GRID1: variants seen among roughly 807,000 people sequenced by gnomAD.
GRID1 encodes the protein glutamate receptor ionotropic, delta-1.
A neutral mutation model predicts 98.0 loss-of-function variants in GRID1; 28 were observed. The ratio of observed to expected loss-of-function variants is 0.29; its 90% CI spans 0.21 to 0.39. The LOEUF (loss-of-function observed/expected upper bound fraction) is 0.39. Among genes scored for constraint, GRID1 ranks in the 10% least tolerant of loss-of-function variants. The probability of loss-of-function intolerance (pLI) is 1.00; values close to 1 mark genes in which losing one functional copy is unlikely to be tolerated. For synonymous variants in GRID1, 553 were observed against 538.5 expected (o/e 1.03, Z -0.37); for missense variants, 1,111 against 1,340.5 (o/e 0.83, Z 2.67).
intron 3 of GRID1, among the ~76,000 whole-genome samples, chr10:86,149,785 T>C (rs567904893): frequency 1.6e-4 from 24 of 152,340 alleles, no homozygotes; most frequent in African/African-American, 5.8e-4. Context: ...CAACTTCTGT[T>C]CCAAGTTGGG....
chr10:86,049,813 T>G (rs1027914221), intron 4 of GRID1, among the ~76,000 whole-genome samples: 1 of 152,128 alleles, frequency 6.6e-6, no homozygotes, highest in Non-Finnish European at 1.5e-5. Flanking sequence ...AACTCACCTC[T>G]TCTTCTTCTT....
intron 4 of GRID1, among the ~76,000 whole-genome samples, chr10:86,111,205 T>C (rs1458677711): frequency 6.6e-6 from 1 of 152,202 alleles, no homozygotes; most frequent in Admixed American, 6.5e-5. Context: ...CTCTTTTTTT[T>C]ACCCAGGCTC....
intron 4 of GRID1, among the ~76,000 whole-genome samples, chr10:86,103,624 T>A (rs1485470859): frequency 1.3e-5 from 2 of 152,192 alleles, no homozygotes; most frequent in Non-Finnish European, 2.9e-5. Context: ...AATGCCTTCT[T>A]AGGGGACAGG....
At chr10:86,291,181 G>A (rs1307412227) in intron 2 of GRID1, among the ~76,000 whole-genome samples, 1 of 152,206 alleles carries the variant, frequency 6.6e-6, no homozygotes, top group Non-Finnish European at 1.5e-5. Context: ...ACCTGTGGCG[G>A]GGGGTGGAAA....
At chr10:85,937,882 C>T (rs1841947595) in intron 4 of GRID1, among the ~76,000 whole-genome samples, 1 of 152,196 alleles carries the variant, frequency 6.6e-6, no homozygotes, top group South Asian at 2.1e-4. Flanking sequence ...GTTGAGAAAA[C>T]CAGGGCTAGC....
intron 2 of GRID1, among the ~76,000 whole-genome samples, chr10:86,278,792 C>T (rs1217042577): frequency 6.6e-6 from 1 of 152,170 alleles, no homozygotes; most frequent in Admixed American, 6.5e-5. Flanking sequence ...AACTATCCAA[C>T]ATGGAAAACT....
intron 8 of GRID1, among the ~76,000 whole-genome samples, chr10:85,751,650 G>C (rs1314194289): frequency 1.3e-5 from 2 of 151,924 alleles, no homozygotes; most frequent in African/African-American, 2.4e-5. Context: ...ATTTAAAAAA[G>C]AAAAACATAT....
At chr10:85,884,298 ATGACCCTGGTC>A (rs1213498944) in intron 5 of GRID1, among the ~76,000 whole-genome samples, 2 of 152,152 alleles carry the variant, frequency 1.3e-5, no homozygotes, top group South Asian at 4.1e-4. Context: ...TCTTTAGCTC[ATGACCCTGGTC>A]TTTTTCTGGG....
intron 3 of GRID1, among the ~76,000 whole-genome samples, chr10:86,154,742 C>G (rs1397726318): frequency 6.6e-6 from 1 of 152,204 alleles, no homozygotes; most frequent in Non-Finnish European, 1.5e-5. Flanking sequence ...AAGCCCACAC[C>G]TGAGCTAGGC....
intron 13 of GRID1, among the ~76,000 whole-genome samples, chr10:85,639,526 T>C (rs1010720610): frequency 6.6e-6 from 1 of 152,218 alleles, no homozygotes; most frequent in African/African-American, 2.4e-5. Flanking sequence ...ACTCATGAAA[T>C]AGACACTATA....
At chr10:85,804,573 A>T (rs1469237304) in intron 8 of GRID1, among the ~76,000 whole-genome samples, 1 of 151,898 alleles carries the variant, frequency 6.6e-6, no homozygotes, top group Non-Finnish European at 1.5e-5. Context: ...TCATAGATTA[A>T]TACCCTTCAT....
intron 4 of GRID1, among the ~76,000 whole-genome samples, chr10:86,084,325 G>A (rs1302589449): frequency 1.3e-5 from 2 of 152,026 alleles, no homozygotes; most frequent in Admixed American, 1.3e-4. Flanking sequence ...AGAAAGGAAG[G>A]AAGGAGGGGA....
intron 8 of GRID1, among the ~76,000 whole-genome samples, chr10:85,768,324 C>T (rs542755678): frequency 6.6e-6 from 1 of 151,830 alleles, no homozygotes; most frequent in Non-Finnish European, 1.5e-5. Flanking sequence ...TATAAAATTT[C>T]TAGAAGGTAA....
At chr10:85,658,119 T>C (rs1023425286) in intron 12 of GRID1, among the ~76,000 whole-genome samples, 19 of 152,258 alleles carry the variant, frequency 1.2e-4, no homozygotes, top group African/African-American at 4.1e-4. Context: ...GCTGTGAAGG[T>C]GCCTTCTTCC....
chr10:85,624,379 A>G (rs901579438), intron 13 of GRID1, among the ~76,000 whole-genome samples: 5 of 152,198 alleles, frequency 3.3e-5, no homozygotes. Context: ...AGGCTGGTGG[A>G]AACTTAGGCT....
chr10:85,775,771 T>C (rs1842325131), intron 8 of GRID1, among the ~76,000 whole-genome samples: 1 of 152,174 alleles, frequency 6.6e-6, no homozygotes, highest in Non-Finnish European at 1.5e-5. Flanking sequence ...TCTATTCCAA[T>C]TTATTTGGTT....
chr10:85,640,528 C>A (rs963967350), intron 13 of GRID1, among the ~76,000 whole-genome samples: 10 of 152,196 alleles, frequency 6.6e-5, no homozygotes, highest in Non-Finnish European at 8.8e-5. Context: ...CCCTACTTCT[C>A]AGTAGGAATT....
intron 2 of GRID1, among the ~76,000 whole-genome samples, chr10:86,327,351 C>T (rs143490230): frequency 3.2e-4 from 48 of 152,242 alleles, no homozygotes; most frequent in Non-Finnish European, 4.7e-4. Flanking sequence ...CTCATCAGGA[C>T]GGCAGACTTT....
Position 85,768,948 on chromosome 10 carries a change from T to C in GRID1, c.1234-39334A>G, listed in dbSNP as rs74629206. Among the ~76,000 whole-genome samples the C allele has an allele frequency of 3.5e-3, 529 of 152,356 alleles. 5 individuals are homozygous for C. The highest frequency in any genetic ancestry group is 0.012 in the African/African-American group (507 of 41,578). On this transcript the variant is annotated intron_variant, in intron 8 of 15. Coordinates refer to ENST00000327946, the MANE Select transcript of GRID1 (RefSeq NM_017551.3). The stretch of plus-strand genomic sequence containing the variant: ...TGAATTAATATATGGTCAAAGTCAT[T>C]TATTCAATACTCTTTTCAGAAGATT...
Sources: allele counts gnomAD v4.1 joint callset (sites outside exome capture counted in the v4.1 genomes callset), GRCh38; gene constraint gnomAD v4.1.1; transcripts MANE v1.5; gene names NCBI Gene and HGNC (gene_info 2026-07-23, HGNC 2026-07-21).